Variants in KCNB2 observed in about 807,000 individuals in gnomAD.
KCNB2 encodes potassium voltage-gated channel subfamily B member 2, also known as delayed rectifier potassium channel protein.
A neutral mutation model predicts 61.5 loss-of-function variants in KCNB2; 15 were observed. The ratio of observed to expected loss-of-function variants is 0.24; its 90% CI spans 0.16 to 0.38. The LOEUF is 0.38. Among genes scored for constraint, KCNB2 ranks in the 10% least tolerant of loss-of-function variants. The pLI is 1.00. For synonymous variants in KCNB2, 457 were observed against 446.0 expected (o/e 1.02, Z -0.31); for missense variants, 828 against 1,125.2 (o/e 0.74, Z 3.78).
chr8:72,669,269 A>T (rs951455914), intron 2 of KCNB2, among the ~76,000 whole-genome samples: 3 of 152,216 alleles, frequency 2.0e-5, no homozygotes, highest in African/African-American at 7.2e-5. Context: ...TTGCATGTGT[A>T]TGGCATTTGC....
At chr8:72,728,732 A>T (rs1161609453) in intron 2 of KCNB2, among the ~76,000 whole-genome samples, 3 of 152,162 alleles carry the variant, frequency 2.0e-5, no homozygotes, top group Non-Finnish European at 2.9e-5. Context: ...AATACAAGAG[A>T]AGTTACTGAA....
chr8:72,606,469 A>G (rs1805453987), intron 2 of KCNB2, among the ~76,000 whole-genome samples: 1 of 152,230 alleles, frequency 6.6e-6, no homozygotes, highest in Non-Finnish European at 1.5e-5. Flanking sequence ...TGGCAGGATA[A>G]TGGTGATTTG....
intron 2 of KCNB2, among the ~76,000 whole-genome samples, chr8:72,716,565 A>G (rs1049776576): frequency 2.0e-5 from 3 of 152,238 alleles, no homozygotes; most frequent in African/African-American, 7.2e-5. Context: ...CAAAAACCAC[A>G]TGATTATCTC....
intron 2 of KCNB2, among the ~76,000 whole-genome samples, chr8:72,916,299 G>A (rs190726552): frequency 5.3e-5 from 8 of 152,290 alleles, no homozygotes; most frequent in Admixed American, 2.6e-4. Context: ...TGACCCCTTC[G>A]TGGGCAGGAA....
intron 2 of KCNB2, among the ~76,000 whole-genome samples, chr8:72,854,481 C>T (rs1445764453): frequency 6.6e-6 from 1 of 152,134 alleles, no homozygotes; most frequent in East Asian, 1.9e-4. Context: ...ATTCACTTAA[C>T]AAATGTTTAC....
intron 2 of KCNB2, among the ~76,000 whole-genome samples, chr8:72,609,178 AT>A (rs1052398084): frequency 1.3e-5 from 2 of 152,214 alleles, no homozygotes; most frequent in African/African-American, 4.8e-5. Flanking sequence ...CTAATTAAAT[AT>A]TCAAAGCTAG....
chr8:72,739,914 TA>T (rs2128994415), intron 2 of KCNB2, among the ~76,000 whole-genome samples: 1 of 152,254 alleles, frequency 6.6e-6, no homozygotes, highest in South Asian at 2.1e-4. Flanking sequence ...CCATGTACAA[TA>T]CTGTACACAA....
chr8:72,574,446 A>G (rs1332601654), intron 2 of KCNB2, among the ~76,000 whole-genome samples: 3 of 152,204 alleles, frequency 2.0e-5, no homozygotes, highest in East Asian at 1.9e-4. Context: ...TTACTCTTCA[A>G]AGTGTCCCAG....
intron 2 of KCNB2, among the ~76,000 whole-genome samples, chr8:72,778,411 G>C (rs771555346): frequency 2.0e-5 from 3 of 151,900 alleles, no homozygotes; most frequent in Non-Finnish European, 2.9e-5. Context: ...ATATTAAAAG[G>C]TGGCTCAAAT....
At chr8:72,642,357 T>G (rs1021629085) in intron 2 of KCNB2, among the ~76,000 whole-genome samples, 5 of 151,558 alleles carry the variant, frequency 3.3e-5, no homozygotes, top group African/African-American at 1.2e-4. Context: ...AAAAGATGAC[T>G]GTTAGAAAAT....
At chr8:72,908,883 A>T (rs1437716075) in intron 2 of KCNB2, among the ~76,000 whole-genome samples, 1 of 152,186 alleles carries the variant, frequency 6.6e-6, no homozygotes, top group Non-Finnish European at 1.5e-5. Flanking sequence ...ACAAAAATAG[A>T]CTTGAACCAA....
intron 2 of KCNB2, among the ~76,000 whole-genome samples, chr8:72,749,712 A>AAT (rs199911621): frequency 0.12 from 16,893 of 146,114 alleles, 1,418 homozygotes; most frequent in East Asian, 0.5. Context: ...ACAAAAAAGT[A>AAT]ATATATATAT....
At chr8:72,602,004 A>G (rs1190438412) in intron 2 of KCNB2, among the ~76,000 whole-genome samples, 2 of 152,172 alleles carry the variant, frequency 1.3e-5, no homozygotes, top group Non-Finnish European at 2.9e-5. Flanking sequence ...TTGAAGGCTT[A>G]TGCTTCTCTA....
At chr8:72,667,874 C>A (rs771430327) in intron 2 of KCNB2, among the ~76,000 whole-genome samples, 2 of 152,180 alleles carry the variant, frequency 1.3e-5, no homozygotes, top group Non-Finnish European at 2.9e-5. Context: ...ACCTTTAGAA[C>A]CTTCACGTCA....
chr8:72,590,008 G>A (rs1380706524), intron 2 of KCNB2, among the ~76,000 whole-genome samples: 1 of 152,078 alleles, frequency 6.6e-6, no homozygotes, highest in African/African-American at 2.4e-5. Context: ...CAGTGTATGT[G>A]TAGATTATCC....
At chr8:72,760,886 G>C (rs933485819) in intron 2 of KCNB2, among the ~76,000 whole-genome samples, 10 of 152,228 alleles carry the variant, frequency 6.6e-5, no homozygotes, top group African/African-American at 1.4e-4. Flanking sequence ...CCATATGTTG[G>C]ATCACGTATC....
intron 2 of KCNB2, among the ~76,000 whole-genome samples, chr8:72,907,711 C>A (rs1806203598): frequency 6.6e-6 from 1 of 152,156 alleles, no homozygotes; most frequent in Admixed American, 6.5e-5. Flanking sequence ...GGCTCGAAAG[C>A]ATCAGTAACT....
intron 2 of KCNB2, among the ~76,000 whole-genome samples, chr8:72,610,427 C>T (rs2101487): frequency 0.26 from 39,080 of 152,012 alleles, 5,741 homozygotes; most frequent in East Asian, 0.53. Context: ...CTTATTTATG[C>T]TCACCAAGTA....
At chr8:72,850,221 A>G (rs62520273) in intron 2 of KCNB2, among the ~76,000 whole-genome samples, 2,702 of 12,200 alleles carry the variant, frequency 0.22, 36 homozygotes, top group Middle Eastern at 0.33. Flanking sequence ...GTGTGTGTGT[A>G]TGTGTGTGTG....
Sources: allele counts gnomAD v4.1 joint callset (sites outside exome capture counted in the v4.1 genomes callset), GRCh38; gene constraint gnomAD v4.1.1; transcripts MANE v1.5; gene names NCBI Gene and HGNC (gene_info 2026-07-23, HGNC 2026-07-21).